ADGRF1: variants seen among roughly 807,000 people sequenced by gnomAD.
ADGRF1 encodes the protein adhesion G protein-coupled receptor F1.
ADGRF1 carries 85 observed loss-of-function variants against 87.2 expected under a neutral mutation model. The ratio of observed to expected loss-of-function variants is 0.97; its 90% confidence interval spans 0.82 to 1.17. The LOEUF (loss-of-function observed/expected upper bound fraction) is 1.17, where lower values mean the gene tolerates loss of function less well. Among genes scored for constraint, ADGRF1 ranks in the 50% most tolerant of loss-of-function variants. The pLI, the probability that ADGRF1 is intolerant of heterozygous loss-of-function variation, is 0.00. For missense variants in ADGRF1, 1,169 were observed against 1,077.2 expected (o/e 1.09, Z -1.19); for synonymous variants, 430 against 408.8 (o/e 1.05, Z -0.63).
intron 8 of ADGRF1, among the ~76,000 whole-genome samples, chr6:47,015,676 C>A (rs1467056383): frequency 6.6e-6 from 1 of 152,014 alleles, no homozygotes; most frequent in Non-Finnish European, 1.5e-5. Flanking sequence ...CAACCTCCAC[C>A]TCCTGGGTTC....
rs544874746 is a variant in ADGRF1, at chr6:47,016,624, G to C, written c.756C>G (p.Phe252Leu). 4.4e-6 allele frequency: 7 copies of C among 1,601,874 alleles called. No individual in the cohort carries two copies. Among genetic ancestry groups the C allele is most frequent in the East Asian group, 4.5e-5 (2 of 44,574 alleles). Residue 252 changes from phenylalanine (F) to leucine (L), a missense_variant, in exon 8 of 15, where the codon TTC becomes TTG. Physicochemically the swap from Phe to Leu is conservative, Grantham distance 22. Coordinates refer to ENST00000371253, the MANE Select transcript of ADGRF1 (RefSeq NM_153840.4). ...ATGGGAATCCAGCATTACCTTTTCC[G>C]AACACTCTGAAAGAGCCGTCTTCTA... ...FPLEDGSFRV[F>L]GKAQCNDIVF...
intron 12 of ADGRF1, among the ~76,000 whole-genome samples, chr6:47,006,205 T>C (rs1298744900): frequency 2.0e-5 from 3 of 152,170 alleles, no homozygotes; most frequent in Admixed American, 1.3e-4. Context: ...CAATTACTTT[T>C]AGTACAATTA....
chr6:47,009,605 A>C lies in ADGRF1; in HGVS notation c.1830T>G (p.Phe610Leu), dbSNP rs1779636753. 9.9e-6 allele frequency: 16 copies of C among 1,614,196 alleles called. No homozygotes were observed. The highest frequency in any genetic ancestry group is 1.2e-5 in the Non-Finnish European group (14 of 1,180,038). The change falls in exon 11 of 15, where the codon TTT becomes TTG. Residue 610 changes from phenylalanine (F) to leucine (L), a missense_variant. Transcript: ENST00000371253. ...TTTGGCTTTTTTTAATCTGCTTCCAAAACAAAGCCTCGATGATCAGGCATA... is the reference window on the plus strand; with the variant it reads ...TTTGGCTTTTTTTAATCTGCTTCCACAACAAAGCCTCGATGATCAGGCATA... ...LILCLIIEALFWKQIKKSQTS... is the reference protein window; with the variant it reads ...LILCLIIEALLWKQIKKSQTS...
rs1392005843 is a variant in ADGRF1, at chr6:47,009,613, C to T, written c.1822G>A (p.Ala608Thr). 6.2e-7 allele frequency: 1 copy of T among 1,614,146 alleles called. No individual in the cohort carries two copies. The highest frequency in any genetic ancestry group is 2.2e-5 in the East Asian group (1 of 44,874). Residue 608 changes from alanine (A) to threonine (T), a missense_variant, in exon 11 of 15, where the codon GCT becomes ACT. Coordinates refer to ENST00000371253, the MANE Select transcript of ADGRF1 (RefSeq NM_153840.4). Reference protein sequence around the residue: ...GSLILCLIIEALFWKQIKKSQ... With the variant: ...GSLILCLIIETLFWKQIKKSQ... ...TTTTTAATCTGCTTCCAAAACAAAG[C>T]CTCGATGATCAGGCATAAAATGAGA... is the stretch of plus-strand genomic sequence containing the variant.
Position 47,016,755 on chromosome 6 carries a change from C to A in ADGRF1, c.625G>T (p.Val209Phe). The A allele has an allele frequency of 1.3e-6, 2 of 1,584,446 alleles. No individual in the cohort carries two copies. Among genetic ancestry groups the A allele is most frequent in the Non-Finnish European group, 8.6e-7 (1 of 1,160,900 alleles). Residue 209 changes from valine to phenylalanine, a missense_variant, in exon 8 of 15, where the codon GTT becomes TTT. Val to Phe is a conservative substitution (Grantham distance 50). Coordinates refer to ENST00000371253, the MANE Select transcript of ADGRF1 (RefSeq NM_153840.4). Reference protein sequence around the residue: ...QVTQFRNGSIVAGYEVVGSSS... With the variant: ...QVTQFRNGSIFAGYEVVGSSS... ...GAGCCAACAACTTCATACCCAGCAA[C>A]GATGCTTCCATTTCTGCAGTGATTA...
chr6:47,013,637 G>C (rs1342054873), intron 9 of ADGRF1: 19 of 985,388 alleles, frequency 1.9e-5, no homozygotes, highest in Non-Finnish European at 2.3e-5. Flanking sequence ...CTTCCTAAGA[G>C]AGCATCATGT....
At chr6:47,016,949 GAT>G (rs562114179) in intron 7 of ADGRF1, 181 bp from the exon 8 acceptor site, 146 of 468,006 alleles carry the variant, frequency 3.1e-4, no homozygotes, top group East Asian at 3.5e-4. Context: ...ATATATATAT[GAT>G]ATATATATAT....
intron 10 of ADGRF1, 88 bp from the exon 11 acceptor site, chr6:47,010,406 G>GA: frequency 9.1e-7 from 1 of 1,097,770 alleles, no homozygotes; most frequent in Non-Finnish European, 1.3e-6. Context: ...TTAAGAATAG[G>GA]AAAAATGCCC....
At position 47,027,766 on chromosome 6, in the gene ADGRF1, T is replaced by TA; in HGVS notation, c.70-6dup. 3 of 1,502,504 alleles carry TA rather than the reference T, an allele frequency of 2.0e-6. No individual in the cohort carries two copies. The highest frequency in any genetic ancestry group is 1.1e-5 in the South Asian group (1 of 87,456). 93.1% of individuals were successfully genotyped at this position (1,502,504 alleles called of 1,614,324 possible). ...TGTTTTGATGCCATCATTTTTCTGT[T>TA]AAAAAGAAAAAAAATAGTTACGGTG... On this transcript the variant is annotated splice_region_variant and splice_polypyrimidine_tract_variant and intron_variant, in intron 2 of 14. Transcript: ENST00000371253.
chr6:47,009,867 G>A lies in ADGRF1; in HGVS notation c.1568C>T (p.Ser523Phe). ...CTGGCTCAGGTTTGACTCTATCTTG[G>A]AAAAAAATAGGAAAACTTCATTTAT... ...YSINEVFLFFSKIESNLSQPH... is the reference protein window; with the variant it reads ...YSINEVFLFFFKIESNLSQPH... The change falls in exon 11 of 15, where the codon TCC becomes TTC. Residue 523 changes from serine to phenylalanine, a missense_variant. Transcript: ENST00000371253. 6.2e-7 allele frequency: 1 copy of A among 1,613,772 alleles called. No individual in the cohort carries two copies. Among genetic ancestry groups the A allele is most frequent in the Non-Finnish European group, 8.5e-7 (1 of 1,179,822 alleles).
chr6:47,005,634 C>G (rs1350012682), intron 13 of ADGRF1, among the ~76,000 whole-genome samples, 183 bp downstream of exon 13: 5 of 152,210 alleles, frequency 3.3e-5, no homozygotes, highest in Non-Finnish European at 7.3e-5. Flanking sequence ...TTTAATCACT[C>G]ATTCACTCAA....
chr6:47,033,254 T>G (rs568125128), intron 1 of ADGRF1, among the ~76,000 whole-genome samples: 1 of 152,224 alleles, frequency 6.6e-6, no homozygotes, highest in Non-Finnish European at 1.5e-5. Context: ...CTTGAATTCA[T>G]TCAGTGAATT....
At chr6:47,008,562 T>C (rs1416457468) in intron 11 of ADGRF1, among the ~76,000 whole-genome samples, 1 of 152,214 alleles carries the variant, frequency 6.6e-6, no homozygotes, top group Non-Finnish European at 1.5e-5. Flanking sequence ...CCCTTCTCTA[T>C]TGCACCCTAG....
At chr6:47,040,490 A>T (rs983791462) in intron 1 of ADGRF1, among the ~76,000 whole-genome samples, 24 of 63,280 alleles carry the variant, frequency 3.8e-4, no homozygotes, top group African/African-American at 1.4e-3. Context: ...AAATAAAATA[A>T]AAAAAAAAAC....
At chr6:47,010,469 T>A in intron 10 of ADGRF1, 151 bp from the exon 11 acceptor site, 1 of 721,862 alleles carries the variant, frequency 1.4e-6, no homozygotes, top group Non-Finnish European at 2.2e-6. Flanking sequence ...CAAATTTAGC[T>A]CAGTTCATCT....
chr6:47,023,979 C>A (rs913066775), intron 5 of ADGRF1, 65 bp downstream of exon 5: 47 of 1,402,344 alleles, frequency 3.4e-5, no homozygotes, highest in Admixed American at 5.8e-5. Context: ...AATGAGCAAG[C>A]GTCCCCTCTC....
At chr6:47,010,386 G>T in intron 10 of ADGRF1, 68 bp from the exon 11 acceptor site, 1 of 1,281,088 alleles carries the variant, frequency 7.8e-7, no homozygotes, top group Non-Finnish European at 1.1e-6. Flanking sequence ...GCAGTGGATA[G>T]TCATTAGCAT....
At chr6:47,005,641 T>C (rs1437945997) in intron 13 of ADGRF1, among the ~76,000 whole-genome samples, 176 bp downstream of exon 13, 1 of 152,162 alleles carries the variant, frequency 6.6e-6, no homozygotes, top group African/African-American at 2.4e-5. Context: ...ACTCATTCAC[T>C]CAACAACTCT....
chr6:47,029,374 C>A (rs6941183), intron 1 of ADGRF1, among the ~76,000 whole-genome samples: 11 of 151,020 alleles, frequency 7.3e-5, no homozygotes, highest in Admixed American at 7.2e-4. Context: ...TTTTTTTAAT[C>A]GTGACTTGCT....
Sources: allele counts gnomAD v4.1 joint callset (sites outside exome capture counted in the v4.1 genomes callset), GRCh38; gene constraint gnomAD v4.1.1; transcripts MANE v1.5; gene names NCBI Gene and HGNC (gene_info 2026-07-23, HGNC 2026-07-21).